NKAIN3: variants seen among roughly 807,000 people sequenced by gnomAD.
NKAIN3 encodes the protein sodium/potassium transporting ATPase interacting 3, also known as sodium/potassium-transporting ATPase subunit beta-1-interacting protein 3.
A neutral mutation model predicts 30.2 loss-of-function variants in NKAIN3; 25 were observed. The ratio of observed to expected loss-of-function variants is 0.83; its 90% CI spans 0.60 to 1.16. NKAIN3 has a LOEUF of 1.16. Ranked by LOEUF, NKAIN3 falls within the 50% of genes most tolerant of loss-of-function variation. NKAIN3 has a pLI of 0.00. For missense variants in NKAIN3, 225 were observed against 254.1 expected, an observed-to-expected ratio of 0.89 and a Z score of 0.78; for synonymous variants, 91 against 89.6, an observed-to-expected ratio of 1.02 and a Z score of -0.09.
At chr8:62,752,330 G>A (rs746762060) in intron 4 of NKAIN3, among the ~76,000 whole-genome samples, 16 of 152,084 alleles carry the variant, frequency 1.1e-4, no homozygotes, top group East Asian at 9.6e-4. Flanking sequence ...AGGCTGGTCC[G>A]TCTTTTGAAG....
At chr8:62,518,267 C>A (rs147071112) in intron 1 of NKAIN3, among the ~76,000 whole-genome samples, 23 of 152,120 alleles carry the variant, frequency 1.5e-4, no homozygotes, top group African/African-American at 5.5e-4. Context: ...GGCTGAGGCA[C>A]GAGAATTGCT....
At chr8:62,697,397 A>T (rs6988891) in intron 3 of NKAIN3, among the ~76,000 whole-genome samples, 6,172 of 152,174 alleles carry the variant, frequency 0.041, 418 homozygotes, top group African/African-American at 0.14. Flanking sequence ...CCATGAGTTA[A>T]CCCTATGGCT....
intron 4 of NKAIN3, among the ~76,000 whole-genome samples, chr8:62,899,383 T>A (rs1268222324): frequency 6.6e-6 from 1 of 152,160 alleles, no homozygotes. Flanking sequence ...ATATACACAA[T>A]GGAGTACTGT....
At chr8:62,601,963 A>G (rs1810996199) in intron 3 of NKAIN3, among the ~76,000 whole-genome samples, 1 of 152,072 alleles carries the variant, frequency 6.6e-6, no homozygotes, top group Admixed American at 6.6e-5. Context: ...TAGCTTTTCT[A>G]CAATAAAGAA....
intron 1 of NKAIN3, among the ~76,000 whole-genome samples, chr8:62,574,394 G>A (rs2130034555): frequency 6.6e-6 from 1 of 151,992 alleles, no homozygotes; most frequent in East Asian, 1.9e-4. Flanking sequence ...CTTTCTTTTG[G>A]GTATAAACCT....
chr8:62,918,872 G>C (rs957127294), intron 5 of NKAIN3, among the ~76,000 whole-genome samples: 1 of 151,886 alleles, frequency 6.6e-6, no homozygotes, highest in East Asian at 1.9e-4. Flanking sequence ...GAATTTTGAA[G>C]TCTGAGTAAC....
rs2130917398 is a variant in NKAIN3 at position 62,974,617 on chromosome 8, T to C, written c.*9210T>C. Among the ~76,000 whole-genome samples the C allele has an allele frequency of 6.6e-6, 1 of 152,334 alleles. No individual in the cohort carries two copies. ...CCATATCATCTGCAAACAGAGATAA[T>C]TTGACTTTCTCTCTTCCTATTCGAA... On this transcript the variant is annotated 3_prime_UTR_variant, in exon 7 of 7. Transcript: ENST00000623646.
At chr8:62,854,408 G>A (rs934968303) in intron 4 of NKAIN3, among the ~76,000 whole-genome samples, 6 of 152,170 alleles carry the variant, frequency 3.9e-5, no homozygotes, top group Admixed American at 3.3e-4. Flanking sequence ...ATATATTTAA[G>A]ATAGTTGGCA....
intron 1 of NKAIN3, among the ~76,000 whole-genome samples, chr8:62,496,806 G>A (rs1189968959): frequency 1.3e-5 from 2 of 152,082 alleles, no homozygotes; most frequent in East Asian, 1.9e-4. Flanking sequence ...CCTCTTTCTG[G>A]TAGCAGAGGT....
chr8:62,995,448 A>G (rs1804089907), intron 5 of NKAIN3, among the ~76,000 whole-genome samples: 1 of 152,252 alleles, frequency 6.6e-6, no homozygotes, highest in South Asian at 2.1e-4. Context: ...GAAGCTGCTC[A>G]GCTGGTGCCT....
At chr8:62,964,872 A>G (rs1823664385) in intron 6 of NKAIN3, among the ~76,000 whole-genome samples, 1 of 152,140 alleles carries the variant, frequency 6.6e-6, no homozygotes, top group African/African-American at 2.4e-5. Flanking sequence ...TCTGGACACC[A>G]TGGCCTGGCC....
At chr8:62,277,284 T>C (rs1812994495) in intron 1 of NKAIN3, among the ~76,000 whole-genome samples, 1 of 152,208 alleles carries the variant, frequency 6.6e-6, no homozygotes, top group Non-Finnish European at 1.5e-5. Context: ...ATCTGCATGA[T>C]TACTGTTTTG....
chr8:62,350,351 G>A (rs1816141806), intron 1 of NKAIN3, among the ~76,000 whole-genome samples: 1 of 152,114 alleles, frequency 6.6e-6, no homozygotes, highest in African/African-American at 2.4e-5. Flanking sequence ...TATACTAAAT[G>A]AAATAAGCCA....
chr8:62,499,972 G>A (rs990059436), intron 1 of NKAIN3, among the ~76,000 whole-genome samples: 1 of 151,782 alleles, frequency 6.6e-6, no homozygotes. Context: ...TGAAATAACT[G>A]ATTGTTTATT....
intron 4 of NKAIN3, among the ~76,000 whole-genome samples, chr8:62,808,058 A>T (rs1418864221): frequency 6.6e-6 from 1 of 152,152 alleles, no homozygotes; most frequent in East Asian, 1.9e-4. Context: ...TAAAGTCTTT[A>T]TAGCAATCAT....
intron 3 of NKAIN3, among the ~76,000 whole-genome samples, chr8:62,631,235 A>C (rs1811949549): frequency 6.6e-6 from 1 of 152,160 alleles, no homozygotes; most frequent in East Asian, 1.9e-4. Context: ...CCTGACTTCC[A>C]CACCAGTGTT....
intron 5 of NKAIN3, among the ~76,000 whole-genome samples, chr8:62,949,904 T>G (rs1823235342): frequency 6.6e-6 from 1 of 152,236 alleles, no homozygotes; most frequent in East Asian, 1.9e-4. Flanking sequence ...TTGGATGTTT[T>G]TATTCCAACC....
At chr8:62,705,293 T>C (rs1490009718) in intron 3 of NKAIN3, among the ~76,000 whole-genome samples, 1 of 152,178 alleles carries the variant, frequency 6.6e-6, no homozygotes, top group Non-Finnish European at 1.5e-5. Flanking sequence ...GAGTTTAGTC[T>C]TTCATATTTT....
At chr8:62,958,839 C>T (rs1823492097) in intron 6 of NKAIN3, among the ~76,000 whole-genome samples, 1 of 152,076 alleles carries the variant, frequency 6.6e-6, no homozygotes, top group Non-Finnish European at 1.5e-5. Flanking sequence ...TAGAGCAAGG[C>T]AGTTTATCAA....
Sources: gnomAD v4.1 joint callset for allele counts (sites outside exome capture counted in the v4.1 genomes callset) on GRCh38, gnomAD v4.1.1 for gene constraint, MANE v1.5 for transcripts, NCBI Gene and HGNC (gene_info 2026-07-23, HGNC 2026-07-21) for gene names.